The following GAP43 variants were observed in gnomAD, a reference collection of about 807,000 sequenced individuals.
GAP43 encodes neuromodulin.
A neutral mutation model predicts 18.6 loss-of-function variants in GAP43; 6 were observed. The ratio of observed to expected loss-of-function variants is 0.32; its 90% confidence interval spans 0.18 to 0.64. The LOEUF is 0.64. Among genes scored for constraint, GAP43 ranks in the 30% least tolerant of loss-of-function variants. The pLI, the probability that GAP43 is intolerant of heterozygous loss-of-function variation, is 0.78. For missense variants in GAP43, 292 were observed against 295.5 expected (o/e 0.99, Z 0.09); for synonymous variants, 115 against 111.4 (o/e 1.03, Z -0.20).
intron 2 of GAP43, among the ~76,000 whole-genome samples, chr3:115,701,330 T>C (rs747022445): frequency 5.9e-5 from 9 of 152,042 alleles, no homozygotes; most frequent in Non-Finnish European, 1.3e-4. Context: ...ACTCACCATC[T>C]CTCTTTCAGG....
intron 2 of GAP43, among the ~76,000 whole-genome samples, chr3:115,699,168 C>T (rs764759626): frequency 8.5e-4 from 130 of 152,106 alleles, no homozygotes; most frequent in Non-Finnish European, 4.8e-4. Context: ...ATTCTACCTC[C>T]GCTATTCATC....
chr3:115,676,487 G>A lies in GAP43; in HGVS notation c.505G>A (p.Asp169Asn), dbSNP rs745746040. The part of the protein sequence containing the change: ...APAKEEPKQA[D>N]VPAAVTAAAA... ...AGCCAAGGAGGAGCCTAAACAAGCC[G>A]ATGTGCCTGCTGCTGTCACTGCTGC... The change falls in exon 2 of 3, where the codon GAT becomes AAT. Residue 169 changes from aspartate (D) to asparagine (N), a missense_variant. Transcript: ENST00000305124. The A allele has an allele frequency of 1.2e-5, 19 of 1,614,062 alleles. No homozygotes were observed. Among genetic ancestry groups the A allele is most frequent in the African/African-American group, 5.3e-5 (4 of 75,034 alleles).
At chr3:115,689,953 A>T (rs957646696) in intron 2 of GAP43, among the ~76,000 whole-genome samples, 1 of 152,230 alleles carries the variant, frequency 6.6e-6, no homozygotes, top group African/African-American at 2.4e-5. Context: ...GGCGCTGAAG[A>T]GCAGGGGAAG....
At position 115,716,570 on chromosome 3, in the gene GAP43, T is replaced by C. The variant is rs761920440; in HGVS notation, c.629-4224T>C. ...ATATTTTATTTTCCTCTCCATAATT[T>C]CTTGGTGGCCTATAAAACTTTCACT... On this transcript the variant is annotated intron_variant, in intron 2 of 2. Coordinates refer to ENST00000305124, the MANE Select transcript of GAP43 (RefSeq NM_002045.4). Among the ~76,000 whole-genome samples, 68 of 151,710 alleles carry C rather than the reference T, an allele frequency of 4.5e-4. 1 individual carries two copies. The highest frequency in any genetic ancestry group is 9.0e-4 in the Non-Finnish European group (61 of 67,876).
Position 115,697,815 on chromosome 3 carries a change from T to C in GAP43, c.628+21205T>C, listed in dbSNP as rs115039655. ...CAAAGAGTCTCTGGCAGATTAAAATTTTCCACTTATAAATTATAGTTAACT... is the reference window on the plus strand; with the variant it reads ...CAAAGAGTCTCTGGCAGATTAAAATCTTCCACTTATAAATTATAGTTAACT... On this transcript the variant is annotated intron_variant, in intron 2 of 2. Transcript: ENST00000305124. 9.4e-3 allele frequency among the ~76,000 whole-genome samples: 1,431 copies of C among 151,500 alleles called. 24 individuals carry two copies. Among genetic ancestry groups the C allele is most frequent in the African/African-American group, 0.033 (1,381 of 41,258 alleles).
chr3:115,675,345 C>A (rs1708866921), intron 1 of GAP43, among the ~76,000 whole-genome samples: 1 of 152,098 alleles, frequency 6.6e-6, no homozygotes, highest in South Asian at 2.1e-4. Context: ...GCTTGAATTA[C>A]AAGTGTGAAC....
At chr3:115,666,659 G>A (rs1708737587) in intron 1 of GAP43, among the ~76,000 whole-genome samples, 1 of 152,222 alleles carries the variant, frequency 6.6e-6, no homozygotes, top group East Asian at 1.9e-4. Flanking sequence ...CTGCAGATGA[G>A]GAGCCTAAAG....
At chr3:115,628,614 C>T (rs1215434801) in intron 1 of GAP43, among the ~76,000 whole-genome samples, 1 of 152,144 alleles carries the variant, frequency 6.6e-6, no homozygotes, top group African/African-American at 2.4e-5. Flanking sequence ...TTGTCAATCC[C>T]TGTTCCTGAA....
At chr3:115,689,845 T>TGGAGA (rs1709082750) in intron 2 of GAP43, among the ~76,000 whole-genome samples, 1 of 151,598 alleles carries the variant, frequency 6.6e-6, no homozygotes, top group Non-Finnish European at 1.5e-5. Flanking sequence ...GCAGAAAGAA[T>TGGAGA]AAGCAAGGGC....
chr3:115,641,039 T>G (rs1011683828), intron 1 of GAP43, among the ~76,000 whole-genome samples: 1 of 148,064 alleles, frequency 6.8e-6, no homozygotes, highest in Non-Finnish European at 1.5e-5. Flanking sequence ...TTTTTTTTCT[T>G]TTTTTTTTTT....
At chr3:115,684,825 C>T (rs1413170537) in intron 2 of GAP43, among the ~76,000 whole-genome samples, 1 of 152,140 alleles carries the variant, frequency 6.6e-6, no homozygotes, top group African/African-American at 2.4e-5. Flanking sequence ...AGGAAGAGTT[C>T]TTGGTGTAGA....
intron 1 of GAP43, among the ~76,000 whole-genome samples, chr3:115,653,467 G>T (rs2107476622): frequency 6.6e-6 from 1 of 152,116 alleles, no homozygotes; most frequent in African/African-American, 2.4e-5. Flanking sequence ...TAAATAAAAA[G>T]GTAATTTTTC....
chr3:115,700,097 G>A (rs562131494), intron 2 of GAP43, among the ~76,000 whole-genome samples: 1 of 152,260 alleles, frequency 6.6e-6, no homozygotes, highest in African/African-American at 2.4e-5. Flanking sequence ...TGACAGCCAG[G>A]AGCTGGCCTG....
chr3:115,683,147 G>GCGCGCGCGCACA (rs1252333447), intron 2 of GAP43, among the ~76,000 whole-genome samples: 122 of 127,436 alleles, frequency 9.6e-4, no homozygotes, highest in Non-Finnish European at 1.2e-3. Context: ...GCGCGCGCGC[G>GCGCGCGCGCACA]CACACACACA....
At chr3:115,696,718 T>C (rs935681402) in intron 2 of GAP43, among the ~76,000 whole-genome samples, 8 of 151,960 alleles carry the variant, frequency 5.3e-5, no homozygotes, top group African/African-American at 1.9e-4. Flanking sequence ...AGATATCACC[T>C]TCTCAAAGCA....
At chr3:115,675,866 G>C in intron 1 of GAP43, 147 bp from the exon 2 acceptor site, 1 of 1,046,456 alleles carries the variant, frequency 9.6e-7, no homozygotes. Context: ...GGTTTGATTT[G>C]AACTTCCAGG....
At chr3:115,710,563 G>A (rs1481431217) in intron 2 of GAP43, among the ~76,000 whole-genome samples, 2 of 151,932 alleles carry the variant, frequency 1.3e-5, no homozygotes, top group Non-Finnish European at 2.9e-5. Context: ...TTATAATTTG[G>A]TTTAGTTCAA....
At chr3:115,678,392 G>T (rs1708920055) in intron 2 of GAP43, among the ~76,000 whole-genome samples, 1 of 152,082 alleles carries the variant, frequency 6.6e-6, no homozygotes, top group African/African-American at 2.4e-5. Flanking sequence ...TATGATTTGG[G>T]TTGATAGAAG....
rs181473486 is a variant in GAP43, at chr3:115,712,944, C to A, written c.629-7850C>A. On this transcript the variant is annotated intron_variant, in intron 2 of 2. Coordinates refer to ENST00000305124, the MANE Select transcript of GAP43 (RefSeq NM_002045.4). Reference sequence around the variant, plus strand: ...TTGGAAAGTAAGGAAGAAATGGGGGCAGAGATGTTACTTGCATAATTCTCC... The same window carrying A: ...TTGGAAAGTAAGGAAGAAATGGGGGAAGAGATGTTACTTGCATAATTCTCC... Among the ~76,000 whole-genome samples the A allele has an allele frequency of 1.1e-3, 170 of 152,176 alleles. No individual in the cohort carries two copies. In the Middle Eastern group the frequency reaches 0.02, roughly 18 times the overall value.
Sources: allele counts gnomAD v4.1 joint callset (sites outside exome capture counted in the v4.1 genomes callset), GRCh38; gene constraint gnomAD v4.1.1; transcripts MANE v1.5; gene names NCBI Gene and HGNC (gene_info 2026-07-23, HGNC 2026-07-21).